The following TAS1R2 variants were observed in gnomAD, a reference collection of about 807,000 sequenced individuals.
TAS1R2 encodes taste receptor type 1 member 2.
In TAS1R2, 47 loss-of-function variants were observed where a neutral mutation model predicts 49.3. The ratio of observed to expected loss-of-function variants is 0.95; its 90% CI spans 0.75 to 1.22. TAS1R2 has a LOEUF of 1.22. Ranked by LOEUF, TAS1R2 falls within the 50% of genes most tolerant of loss-of-function variation. TAS1R2 has a pLI of 0.00. For missense variants in TAS1R2, 1,155 were observed against 1,122.1 expected (o/e 1.03, Z -0.42); for synonymous variants, 479 against 467.9 (o/e 1.02, Z -0.31).
At chr1:18,843,206 A>T (rs1413007498) in intron 4 of TAS1R2, among the ~76,000 whole-genome samples, 1 of 152,244 alleles carries the variant, frequency 6.6e-6, no homozygotes, top group Non-Finnish European at 1.5e-5. Context: ...ACGCTGGTCT[A>T]TGATATTCAT....
intron 3 of TAS1R2, among the ~76,000 whole-genome samples, chr1:18,852,624 G>A (rs72950006): frequency 0.012 from 1,752 of 152,208 alleles, 35 homozygotes; most frequent in African/African-American, 0.038. Context: ...GCTGCCTCTA[G>A]ACAAAGCCGC....
Position 18,840,139 on chromosome 1 carries a change from C to T in TAS1R2, c.1980G>A (p.Lys660=), listed in dbSNP as rs1327988483. The T allele has an allele frequency of 4.3e-6, 7 of 1,614,108 alleles. No individual in the cohort carries two copies. In the African/African-American group the frequency reaches 8.0e-5, roughly 18 times the overall value. ...AGGCGCGTGGGAAGCGGCTGGCCAT[C>T]TTGAAGGCGCAGACGATCTGGAAAG... is the stretch of plus-strand genomic sequence containing the variant. Residue 660 remains lysine (K), a synonymous_variant, in exon 6 of 6, where the codon AAG becomes AAA. Transcript: ENST00000375371.
intron 3 of TAS1R2, 126 bp from the exon 4 acceptor site, chr1:18,849,676 T>G: frequency 9.3e-7 from 1 of 1,073,590 alleles, no homozygotes; most frequent in East Asian, 2.6e-5. Context: ...ATGGAGGCAA[T>G]AAATCTCCGA....
intron 2 of TAS1R2, among the ~76,000 whole-genome samples, chr1:18,856,860 C>A (rs143120895): frequency 6.6e-6 from 1 of 152,280 alleles, no homozygotes; most frequent in Non-Finnish European, 1.5e-5. Flanking sequence ...TTGTGAGGAC[C>A]TACTACGAGG....
At chr1:18,853,032 A>G (rs1408870712) in intron 3 of TAS1R2, among the ~76,000 whole-genome samples, 2 of 152,234 alleles carry the variant, frequency 1.3e-5, no homozygotes, top group South Asian at 2.1e-4. Flanking sequence ...GTCTTTCATC[A>G]TAGCTCCTGC....
At chr1:18,857,582 C>T (rs1450886136) in exon 2 of TAS1R2, 7 of 1,614,010 alleles carry the variant, frequency 4.3e-6, no homozygotes, top group Admixed American at 1.7e-5. Flanking sequence ...TCCTCCACCG[C>T]AAAGCGCATG....
chr1:18,859,597 C>G, exon 1 of TAS1R2: 1 of 1,614,216 alleles, frequency 6.2e-7, no homozygotes, highest in Non-Finnish European at 8.5e-7. Context: ...GAGTTCTCAG[C>G]CGGCTCAGCC....
chr1:18,856,539 T>G (rs1162679537), intron 2 of TAS1R2, among the ~76,000 whole-genome samples: 1 of 152,212 alleles, frequency 6.6e-6, no homozygotes. Context: ...AGAAACTCCA[T>G]GAGGGCGATG....
At chr1:18,841,682 G>GGGGCA (rs1441572958) in intron 5 of TAS1R2, 47 bp downstream of exon 5, 9 of 1,587,284 alleles carry the variant, frequency 5.7e-6, no homozygotes, top group Middle Eastern at 1.7e-4. Flanking sequence ...GGGCAGGGCA[G>GGGGCA]GGGCAGGGCA....
chr1:18,839,646 C>T lies in TAS1R2; in HGVS notation c.2473G>A (p.Ala825Thr), dbSNP rs142928740. 1.7e-4 allele frequency: 278 copies of T among 1,614,108 alleles called. 2 individuals carry two copies. The highest frequency in any genetic ancestry group is 5.3e-4 in the South Asian group (48 of 91,078). ...CCCTGGATCATGCTGTTGAAGTAGG[C>T]GGGCGTGTTGCGCTCCGGGTAGAAG... Residue 825 changes from alanine to threonine, a missense_variant, in exon 6 of 6, where the codon GCC (alanine) becomes ACC (threonine). Coordinates refer to ENST00000375371, the Ensembl canonical transcript of TAS1R2.
rs1022466376 is a variant in TAS1R2, at chr1:18,855,330, T to C, written c.484-344A>G. On this transcript the variant is annotated intron_variant, in intron 2 of 5. Coordinates refer to ENST00000375371, the Ensembl canonical transcript of TAS1R2. ...CACATCCTGGGCTAGGTGAATGACA[T>C]AGCCATCATCCCCATCATCTAGAAA... Among the ~76,000 whole-genome samples the C allele has an allele frequency of 1.7e-4, 26 of 152,178 alleles. 1 individual carries two copies. Among genetic ancestry groups the C allele is most frequent in the African/African-American group, 5.8e-4 (24 of 41,440 alleles).
exon 6 of TAS1R2, chr1:18,839,934 G>C (rs1933784654): frequency 6.2e-7 from 1 of 1,614,242 alleles, no homozygotes; most frequent in Non-Finnish European, 8.5e-7. Flanking sequence ...GTGTTGAACA[G>C]CAGGCTGTTG....
intron 4 of TAS1R2, among the ~76,000 whole-genome samples, chr1:18,845,580 A>G (rs1216591625): frequency 1.3e-5 from 2 of 152,238 alleles, no homozygotes; most frequent in African/African-American, 2.4e-5. Flanking sequence ...TACGATTACC[A>G]TGTGGTCATT....
At chr1:18,848,897 T>G (rs1317973112) in intron 4 of TAS1R2, among the ~76,000 whole-genome samples, 2 of 152,196 alleles carry the variant, frequency 1.3e-5, no homozygotes, top group African/African-American at 4.8e-5. Context: ...ATATTACAAT[T>G]ATATGTTACG....
intron 2 of TAS1R2, 34 bp downstream of exon 2, chr1:18,857,297 C>T (rs868305605): frequency 6.3e-7 from 1 of 1,598,962 alleles, no homozygotes; most frequent in Middle Eastern, 1.7e-4. Context: ...CTGCCCCCCT[C>T]CCCAGGTCCT....
exon 6 of TAS1R2, chr1:18,839,608 C>A (rs749283030): frequency 6.2e-7 from 1 of 1,613,400 alleles, no homozygotes; most frequent in Non-Finnish European, 8.5e-7. Flanking sequence ...ACTAGTCCCT[C>A]CTCATGGTGT....
intron 3 of TAS1R2, among the ~76,000 whole-genome samples, chr1:18,851,739 C>G (rs1428691977): frequency 6.6e-6 from 1 of 152,124 alleles, no homozygotes; most frequent in Non-Finnish European, 1.5e-5. Flanking sequence ...GCACATCTAC[C>G]CAGTGTCATC....
intron 4 of TAS1R2, among the ~76,000 whole-genome samples, chr1:18,847,525 G>C (rs1933942070): frequency 6.9e-6 from 1 of 145,156 alleles, no homozygotes; most frequent in South Asian, 2.3e-4. Flanking sequence ...TCGGGGACTG[G>C]GGGGAAGAGG....
In TAS1R2 at chr1:18,854,936, C is replaced by T. The variant is rs751599298; in HGVS notation, c.534G>A (p.Pro178=). The T allele has an allele frequency of 3.6e-5, 58 of 1,608,878 alleles. No individual in the cohort carries two copies. The South Asian group carries it at 5.5e-4, about 15-fold the overall frequency. Residue 178 remains proline (P), a synonymous_variant, in exon 3 of 6, where the codon CCG becomes CCA. Coordinates refer to ENST00000375371, the Ensembl canonical transcript of TAS1R2. This position sits in a 1 kb window ranked among gnomAD's most constrained non-coding sequence, Gnocchi z 4.9. Reference sequence around the variant, plus strand: ...CGCTGGGTGTGGTACGCAGCAAAGCCGGGAAGCGCACCTTGTCTCGCAGCT... The same window carrying T: ...CGCTGGGTGTGGTACGCAGCAAAGCTGGGAAGCGCACCTTGTCTCGCAGCT...
Sources: allele counts gnomAD v4.1 joint callset (sites outside exome capture counted in the v4.1 genomes callset), GRCh38; gene constraint gnomAD v4.1.1; non-coding constraint Gnocchi (gnomAD v3.1); transcripts MANE v1.5; gene names NCBI Gene and HGNC (gene_info 2026-07-23, HGNC 2026-07-21).